Variants in EHHADH observed in about 807,000 individuals in gnomAD.
EHHADH encodes enoyl-CoA hydratase and 3-hydroxyacyl CoA dehydrogenase.
In EHHADH, 48 loss-of-function variants were observed where a neutral mutation model predicts 64.4. The observed-to-expected ratio is 0.75, with a 90% confidence interval of 0.59 to 0.95. The LOEUF (loss-of-function observed/expected upper bound fraction) is 0.95. Ranked by LOEUF, EHHADH falls within the 40% of genes least tolerant of loss-of-function variation. EHHADH has a pLI of 0.00. For missense variants in EHHADH, 854 were observed against 876.6 expected (o/e 0.97, Z 0.33); for synonymous variants, 308 against 326.7 (o/e 0.94, Z 0.62).
chr3:185,218,989 C>T (rs1020212013), intron 4 of EHHADH, among the ~76,000 whole-genome samples: 6 of 152,058 alleles, frequency 3.9e-5, no homozygotes, highest in African/African-American at 1.4e-4. Context: ...CACCACTGCA[C>T]TCCAGCCTGG....
intron 3 of EHHADH, among the ~76,000 whole-genome samples, chr3:185,231,710 T>C (rs574181210): frequency 2.5e-4 from 37 of 150,686 alleles, no homozygotes; most frequent in African/African-American, 9.0e-4. Context: ...GACCACATAT[T>C]GTATGATTCT....
intron 6 of EHHADH, among the ~76,000 whole-genome samples, chr3:185,195,473 T>G (rs568819921): frequency 2.0e-5 from 3 of 152,258 alleles, no homozygotes; most frequent in African/African-American, 7.2e-5. Flanking sequence ...AAACATGGAG[T>G]TACTTTATGA....
chr3:185,213,024 G>A (rs1718585817), intron 5 of EHHADH, among the ~76,000 whole-genome samples: 1 of 146,404 alleles, frequency 6.8e-6, no homozygotes. Context: ...GGAGGCTGAG[G>A]CAGGAGAATT....
At chr3:185,238,336 T>C (rs1275837509) in intron 2 of EHHADH, among the ~76,000 whole-genome samples, 3 of 152,228 alleles carry the variant, frequency 2.0e-5, no homozygotes, top group African/African-American at 7.2e-5. Flanking sequence ...ATCTCCATAC[T>C]GTTTTTCCAT....
intron 4 of EHHADH, among the ~76,000 whole-genome samples, chr3:185,228,257 A>AAAAAAAACATATATATAT (rs1367786172): frequency 4.5e-5 from 1 of 21,994 alleles, no homozygotes; most frequent in African/African-American, 1.2e-4. Context: ...AAAAAAAAAA[A>AAAAAAAACATATATATAT]ATATATATAT....
chr3:185,234,015 G>C (rs931795466), intron 3 of EHHADH, among the ~76,000 whole-genome samples: 4 of 152,106 alleles, frequency 2.6e-5, no homozygotes, highest in African/African-American at 7.2e-5. Flanking sequence ...TACAAAAAAA[G>C]ACTAGAATGA....
chr3:185,223,440 C>CT (rs907811239), intron 4 of EHHADH, among the ~76,000 whole-genome samples: 1 of 150,320 alleles, frequency 6.7e-6, no homozygotes, highest in African/African-American at 2.4e-5. Flanking sequence ...GTTTATGTTT[C>CT]TTTTTTTTTA....
At chr3:185,246,364 C>A in intron 2 of EHHADH, 1 of 687,934 alleles carries the variant, frequency 1.5e-6, no homozygotes. Context: ...TCCCCTTCCT[C>A]ATCTAACATA....
At chr3:185,194,648 A>AACAAC (rs1560005171) in intron 6 of EHHADH, among the ~76,000 whole-genome samples, 2 of 141,066 alleles carry the variant, frequency 1.4e-5, no homozygotes, top group African/African-American at 5.3e-5. Context: ...ACAACAACAA[A>AACAAC]AATTAGCCAG....
chr3:185,237,715 T>C (rs1719335235), intron 2 of EHHADH, among the ~76,000 whole-genome samples: 1 of 152,348 alleles, frequency 6.6e-6, no homozygotes, highest in Non-Finnish European at 1.5e-5. Flanking sequence ...TTATGCTTTT[T>C]ATATGTTGTT....
intron 4 of EHHADH, among the ~76,000 whole-genome samples, chr3:185,221,417 C>T (rs1314031844): frequency 6.6e-6 from 1 of 151,800 alleles, no homozygotes; most frequent in Non-Finnish European, 1.5e-5. Flanking sequence ...ATTTATTATA[C>T]CATTATAAAT....
In EHHADH at chr3:185,193,008, T is replaced by C; in HGVS notation, c.1390A>G (p.Lys464Glu). The change falls in exon 7 of 7, where the codon AAA becomes GAA. Residue 464 changes from lysine (K) to glutamate (E), a missense_variant. By Grantham distance (56) the Lys-to-Glu change is moderately conservative. Coordinates refer to ENST00000231887, the MANE Select transcript of EHHADH (RefSeq NM_001966.4). ...TTIATVMNLS[K>E]KIKKIGVVVG... The stretch of plus-strand genomic sequence containing the variant: ...ACGACTCCAATCTTTTTAATCTTTT[T>C]TGATAAGTTCATAACAGTGGCAATG... 6.2e-7 allele frequency: 1 copy of C among 1,614,212 alleles called. No individual in the cohort carries two copies. The highest frequency in any genetic ancestry group is 8.5e-7 in the Non-Finnish European group (1 of 1,180,044).
At chr3:185,219,986 C>T (rs1337591503) in intron 4 of EHHADH, among the ~76,000 whole-genome samples, 1 of 152,096 alleles carries the variant, frequency 6.6e-6, no homozygotes, top group Non-Finnish European at 1.5e-5. Context: ...GTAAGAGGTA[C>T]ATAAATGGTT....
At chr3:185,241,433 T>C (rs573788471) in intron 2 of EHHADH, among the ~76,000 whole-genome samples, 39 of 152,354 alleles carry the variant, frequency 2.6e-4, no homozygotes, top group African/African-American at 8.4e-4. Context: ...GTACAAGTGT[T>C]TCCTTTTCAT....
At chr3:185,203,514 G>A (rs375399235) in intron 6 of EHHADH, among the ~76,000 whole-genome samples, 5 of 152,244 alleles carry the variant, frequency 3.3e-5, no homozygotes, top group East Asian at 1.9e-4. Context: ...ACCAAAGACC[G>A]TTCTTGAGCC....
At chr3:185,195,907 C>T (rs762734510) in intron 6 of EHHADH, among the ~76,000 whole-genome samples, 4 of 152,152 alleles carry the variant, frequency 2.6e-5, no homozygotes, top group Non-Finnish European at 4.4e-5. Flanking sequence ...AACCTGCACA[C>T]GTACCCCCTG....
chr3:185,228,258 ATAT>A (rs1389843199), intron 4 of EHHADH, among the ~76,000 whole-genome samples: 12 of 14,212 alleles, frequency 8.4e-4, no homozygotes, highest in African/African-American at 1.5e-3. Context: ...AAAAAAAAAA[ATAT>A]ATATATATAT....
At chr3:185,209,027 G>C (rs925192609) in intron 5 of EHHADH, among the ~76,000 whole-genome samples, 8 of 152,220 alleles carry the variant, frequency 5.3e-5, no homozygotes, top group African/African-American at 1.9e-4. Context: ...CTGGGGATGT[G>C]AGTAGGAGTT....
intron 6 of EHHADH, among the ~76,000 whole-genome samples, chr3:185,199,131 T>C (rs1377806950): frequency 6.6e-6 from 1 of 152,030 alleles, no homozygotes; most frequent in African/African-American, 2.4e-5. Context: ...AAATGGACCT[T>C]AAAGGAAGAT....
Sources: gnomAD v4.1 joint callset for allele counts (sites outside exome capture counted in the v4.1 genomes callset) on GRCh38, gnomAD v4.1.1 for gene constraint, MANE v1.5 for transcripts, NCBI Gene and HGNC (gene_info 2026-07-23, HGNC 2026-07-21) for gene names.